OTOP1: variants seen among roughly 807,000 people sequenced by gnomAD.
OTOP1 encodes otopetrin 1.
A neutral mutation model predicts 52.9 loss-of-function variants in OTOP1; 59 were observed. That is an observed-to-expected ratio of 1.12 (90% CI 0.91 to 1.39). OTOP1 has a LOEUF of 1.39. OTOP1 is among the 40% of genes most tolerant of loss of function. The pLI is 0.00. For missense variants in OTOP1, 761 were observed against 800.9 expected, an observed-to-expected ratio of 0.95 and a Z score of 0.60; for synonymous variants, 317 against 337.7, an observed-to-expected ratio of 0.94 and a Z score of 0.67.
In OTOP1 at chr4:4,226,800, G is replaced by T. The variant is rs1278514616; in HGVS notation, c.65C>A (p.Ser22Ter). 4.1e-5 allele frequency: 56 copies of T among 1,365,958 alleles called. No individual in the cohort carries two copies. Among genetic ancestry groups the T allele is most frequent in the Non-Finnish European group, 5.3e-5 (56 of 1,064,730 alleles). 84.6% of individuals were successfully genotyped at this position (1,365,958 alleles called of 1,614,324 possible). ...AGGCGAGCAGGCCGCTGGCCCCGACGACCCTGCGACCGAGGCGCTTGCAGC... is the reference window on the plus strand; with the variant it reads ...AGGCGAGCAGGCCGCTGGCCCCGACTACCCTGCGACCGAGGCGCTTGCAGC... Reference protein sequence around the residue: ...RAAASASVAGSSGPAACSPPS... With the variant: ...RAAASASVAG The change falls in exon 1 of 6, where the codon TCG (serine) becomes TAG (stop). Residue 22 changes from serine to a stop codon, truncating the protein, a stop_gained. Transcript: ENST00000296358. LOFTEE classifies it high-confidence loss of function.
Position 4,197,636 on chromosome 4 carries a change from C to A in OTOP1, c.1198G>T (p.Gly400Cys). The A allele has an allele frequency of 1.2e-6, 2 of 1,613,702 alleles. No individual in the cohort carries two copies. Among genetic ancestry groups the A allele is most frequent in the Non-Finnish European group, 1.7e-6 (2 of 1,179,968 alleles). The part of the protein sequence containing the change: ...DSDLLVGTAS[G>C]SWLISWGSIL... ...GAGCCCCAGGAGATAAGCCAGGAGCCCGAGGCAGTGCCCACCAAGAGGTCC... is the reference window on the plus strand; with the variant it reads ...GAGCCCCAGGAGATAAGCCAGGAGCACGAGGCAGTGCCCACCAAGAGGTCC... The change falls in exon 5 of 6, where the codon GGC becomes TGC. Residue 400 changes from glycine to cysteine, a missense_variant. Physicochemically the swap from Gly to Cys is radical, Grantham distance 159 (BLOSUM62 -3). Coordinates refer to ENST00000296358, the MANE Select transcript of OTOP1 (RefSeq NM_177998.3).
At chr4:4,192,302 C>A (rs1329022494) in intron 5 of OTOP1, among the ~76,000 whole-genome samples, 1 of 152,066 alleles carries the variant, frequency 6.6e-6, no homozygotes, top group African/African-American at 2.4e-5. Context: ...TCCCAGCCAC[C>A]CCCACCCAAG....
intron 5 of OTOP1, among the ~76,000 whole-genome samples, chr4:4,194,719 A>G (rs2920172): frequency 0.6 from 91,228 of 152,024 alleles, 28,749 homozygotes; most frequent in South Asian, 0.76. Flanking sequence ...GCTGGTAGCA[A>G]AGAGCTGACT....
At chr4:4,201,459 AATATATAT>A (rs112973192) in intron 4 of OTOP1, among the ~76,000 whole-genome samples, 1 of 136,468 alleles carries the variant, frequency 7.3e-6, no homozygotes, top group African/African-American at 2.8e-5. Flanking sequence ...TAAATAAATA[AATATATAT>A]ATATACACAC....
intron 2 of OTOP1, among the ~76,000 whole-genome samples, chr4:4,211,411 C>A (rs1334937011): frequency 6.6e-6 from 1 of 151,874 alleles, no homozygotes; most frequent in Non-Finnish European, 1.5e-5. Context: ...TGACTCTGAG[C>A]AAGTCACTTG....
chr4:4,221,566 T>C (rs2108806790), intron 1 of OTOP1, among the ~76,000 whole-genome samples: 2 of 152,324 alleles, frequency 1.3e-5, no homozygotes, highest in East Asian at 3.9e-4. Context: ...TACTGATTAC[T>C]CTGTCCCCAC....
intron 5 of OTOP1, among the ~76,000 whole-genome samples, chr4:4,193,929 C>T (rs2980118): frequency 0.46 from 70,393 of 152,002 alleles, 16,745 homozygotes; most frequent in South Asian, 0.68. Flanking sequence ...GGCTCACACC[C>T]GTAATCCCAG....
At chr4:4,203,455 T>C (rs1716833582) in intron 3 of OTOP1, among the ~76,000 whole-genome samples, 1 of 152,212 alleles carries the variant, frequency 6.6e-6, no homozygotes, top group Non-Finnish European at 1.5e-5. Flanking sequence ...GCAGAGTCGG[T>C]AAGGAGCAGA....
chr4:4,200,331 C>T (rs1404649772), intron 4 of OTOP1, among the ~76,000 whole-genome samples: 2 of 151,728 alleles, frequency 1.3e-5, no homozygotes, highest in Non-Finnish European at 2.9e-5. Context: ...AAAAATTAGC[C>T]GGGCGTGGTG....
intron 1 of OTOP1, among the ~76,000 whole-genome samples, chr4:4,215,118 A>G (rs941648820): frequency 6.6e-6 from 1 of 152,086 alleles, no homozygotes; most frequent in Non-Finnish European, 1.5e-5. Context: ...CATAATAATT[A>G]TTTCTAAATA....
rs991269740 is a variant in OTOP1, at chr4:4,221,444, T to TAAAG, written c.403+5014_403+5017dup. On this transcript the variant is annotated intron_variant, in intron 1 of 5. Coordinates refer to ENST00000296358, the MANE Select transcript of OTOP1 (RefSeq NM_177998.3). ...TCCTTATTTAAAAATAAAAATAAAA[T>TAAAG]AAAGAAAGAAAGAAGACTGTGCAGG... 2.6e-5 allele frequency among the ~76,000 whole-genome samples: 4 copies of TAAAG among 151,146 alleles called. 1 individual carries two copies. The highest frequency in any genetic ancestry group is 4.2e-4 in the South Asian group (2 of 4,814).
At chr4:4,202,362 A>G (rs1716806419) in intron 4 of OTOP1, 86 bp downstream of exon 4, 2 of 1,582,184 alleles carry the variant, frequency 1.3e-6, no homozygotes, top group African/African-American at 2.7e-5. Flanking sequence ...TGGAACCTGC[A>G]CTCCATCTCT....
intron 3 of OTOP1, among the ~76,000 whole-genome samples, chr4:4,204,648 C>T (rs1716856979): frequency 6.6e-6 from 1 of 151,916 alleles, no homozygotes; most frequent in Non-Finnish European, 1.5e-5. Context: ...TTTGACAATC[C>T]CAGACTACAA....
intron 5 of OTOP1, among the ~76,000 whole-genome samples, chr4:4,191,453 C>A (rs377293523): frequency 1.1e-4 from 16 of 152,312 alleles, no homozygotes; most frequent in African/African-American, 3.8e-4. Context: ...GGTGATAAAG[C>A]GCTCTGTTAG....
chr4:4,201,785 G>T (rs73077839), intron 4 of OTOP1, among the ~76,000 whole-genome samples: 1 of 152,098 alleles, frequency 6.6e-6, no homozygotes, highest in Admixed American at 6.6e-5. Context: ...TCTTCTAAAG[G>T]TCACACAGCT....
At chr4:4,213,046 C>T in intron 1 of OTOP1, 42 bp from the exon 2 acceptor site, 1 of 1,589,692 alleles carries the variant, frequency 6.3e-7, no homozygotes, top group Non-Finnish European at 8.6e-7. Context: ...ACACACATTG[C>T]ATTAACATAC....
chr4:4,199,933 T>C (rs971594865), intron 4 of OTOP1, among the ~76,000 whole-genome samples: 2 of 152,220 alleles, frequency 1.3e-5, no homozygotes, highest in African/African-American at 4.8e-5. Flanking sequence ...GCGTCTCTGA[T>C]ATAGTAAAAC....
At chr4:4,223,194 T>G (rs1717338640) in intron 1 of OTOP1, among the ~76,000 whole-genome samples, 1 of 152,240 alleles carries the variant, frequency 6.6e-6, no homozygotes, top group Admixed American at 6.5e-5. Context: ...CTCTACTTAG[T>G]GTCCCAAAGA....
intron 1 of OTOP1, among the ~76,000 whole-genome samples, chr4:4,218,868 G>T (rs1226027152): frequency 6.6e-6 from 1 of 152,028 alleles, no homozygotes; most frequent in African/African-American, 2.4e-5. Flanking sequence ...GGCAGAGATT[G>T]CAGTGAGCCA....
Sources: allele counts gnomAD v4.1 joint callset (sites outside exome capture counted in the v4.1 genomes callset), GRCh38; gene constraint gnomAD v4.1.1; transcripts MANE v1.5; gene names NCBI Gene and HGNC (gene_info 2026-07-23, HGNC 2026-07-21).